The following EDA2R variants were observed in gnomAD, a reference collection of about 807,000 sequenced individuals.
EDA2R encodes tumor necrosis factor receptor superfamily member 27.
EDA2R carries 26 observed loss-of-function variants against 20.1 expected under a neutral mutation model. The observed-to-expected ratio is 1.30, with a 90% CI of 0.95 to 1.80. The LOEUF (loss-of-function observed/expected upper bound fraction) is 1.80. EDA2R is among the 40% of genes most tolerant of loss of function. The pLI, the probability that EDA2R is intolerant of heterozygous loss-of-function variation, is 0.00. For synonymous variants in EDA2R, 114 were observed against 88.7 expected (o/e 1.29, Z -1.60); for missense variants, 277 against 228.7 (o/e 1.21, Z -1.36).
Position 66,627,202 on chromosome X carries a change from A to C in EDA2R, c.-10-11172T>G, listed in dbSNP as rs1018160238. On this transcript the variant is annotated intron_variant, in intron 1 of 6. Coordinates refer to ENST00000374719, the MANE Select transcript of EDA2R (RefSeq NM_021783.5). ...AATCACACAGGACCTATCAAACAAA[A>C]ACAAAATTTAAAAATAACAAAAAAG... Among the ~76,000 whole-genome samples, 3 of 111,993 alleles carry C rather than the reference A, an allele frequency of 2.7e-5. No individual in the cohort carries two copies. In the Admixed American group the frequency reaches 2.8e-4, roughly 11 times the overall value.
intron 1 of EDA2R, among the ~76,000 whole-genome samples, chrX:66,619,655 G>A (rs1281873330): frequency 9.0e-6 from 1 of 111,331 alleles, no homozygotes; most frequent in African/African-American, 3.3e-5. Context: ...AACACATGAT[G>A]AGGTTCTGAT....
intron 1 of EDA2R, among the ~76,000 whole-genome samples, chrX:66,633,550 T>C (rs764604628): frequency 9.0e-6 from 1 of 111,139 alleles, no homozygotes; most frequent in African/African-American, 3.3e-5. Context: ...GCTACGTATG[T>C]GAGGAGTTGC....
At chrX:66,613,186 T>A (rs1035407197) in intron 2 of EDA2R, among the ~76,000 whole-genome samples, 1 of 111,865 alleles carries the variant, frequency 8.9e-6, no homozygotes, top group Non-Finnish European at 1.9e-5. Context: ...AAAGGGAAAA[T>A]ATATTTACAA....
chrX:66,595,948 T>G lies in EDA2R; in HGVS notation c.*2156A>C, dbSNP rs1927360912. ...TCCTTTCCTAACCTGGATCTGAGAA[T>G]CTTGGAGGAAAAAATTATTTTCCCA... On this transcript the variant is annotated 3_prime_UTR_variant, in exon 7 of 7. Coordinates refer to ENST00000374719, the MANE Select transcript of EDA2R (RefSeq NM_021783.5). 1 of 108,318 alleles carries G rather than the reference T, an allele frequency of 9.2e-6. No individual in the cohort carries two copies. Among genetic ancestry groups the G allele is most frequent in the Non-Finnish European group, 1.9e-5 (1 of 52,298 alleles). The allele number at this position is 108,318 out of a possible 1,213,427, so 8.9% of individuals were successfully genotyped here. A position where few individuals can be genotyped will look rare whatever the true frequency, so the allele number is the denominator to read the frequency against.
intron 1 of EDA2R, among the ~76,000 whole-genome samples, chrX:66,637,547 C>T (rs1228493155): frequency 8.9e-6 from 1 of 112,153 alleles, no homozygotes; most frequent in African/African-American, 3.2e-5. Flanking sequence ...GTTTAACTTC[C>T]AATTTTCCGC....
intron 2 of EDA2R, among the ~76,000 whole-genome samples, chrX:66,614,090 G>T (rs1931255689): frequency 1.8e-5 from 2 of 111,166 alleles, no homozygotes; most frequent in African/African-American, 6.5e-5. Context: ...CCCAGTTCTG[G>T]ACCATAAGAT....
chrX:66,619,943 C>T (rs1932323601), intron 1 of EDA2R, among the ~76,000 whole-genome samples: 1 of 111,160 alleles, frequency 9.0e-6, no homozygotes, highest in Admixed American at 9.6e-5. Context: ...AAACACCACC[C>T]AAATAAATAC....
chrX:66,601,135 G>A (rs1050578307), intron 5 of EDA2R, among the ~76,000 whole-genome samples: 4 of 112,144 alleles, frequency 3.6e-5, no homozygotes, highest in African/African-American at 1.3e-4. Context: ...GAAACTGCCT[G>A]CCCTCATATT....
chrX:66,599,246 T>A (rs1928045863), intron 6 of EDA2R, among the ~76,000 whole-genome samples: 1 of 111,397 alleles, frequency 9.0e-6, no homozygotes, highest in Non-Finnish European at 1.9e-5. Flanking sequence ...ACTGGTATCA[T>A]GACAACCTTG....
intron 1 of EDA2R, among the ~76,000 whole-genome samples, chrX:66,621,969 A>C (rs970880287): frequency 1.8e-5 from 2 of 111,931 alleles, no homozygotes; most frequent in Non-Finnish European, 1.9e-5. Context: ...TTCCAATAGG[A>C]TATTGCTTAA....
rs1380382858 is a variant in EDA2R, at chrX:66,599,728, A to G, written c.650T>C (p.Ile217Thr). The G allele has an allele frequency of 8.3e-7, 1 of 1,209,950 alleles. No individual in the cohort carries two copies. Among genetic ancestry groups the G allele is most frequent in the East Asian group, 3.0e-5 (1 of 33,690 alleles). The change falls in exon 6 of 7, where the codon ATC becomes ACC. Residue 217 changes from isoleucine (I) to threonine (T), a missense_variant. Transcript: ENST00000374719. ...AGTCGAGCTGCAGTCGTCCTCGAGG[A>G]TAGGGTTAAGTGGCTGGGTCTGAAA... ...NIFQTQPLNP[I>T]LEDDCSSTSG...
intron 2 of EDA2R, 95 bp from the exon 3 acceptor site, chrX:66,605,321 A>C: frequency 1.3e-6 from 1 of 783,979 alleles, no homozygotes; most frequent in East Asian, 3.8e-5. Context: ...AGTATTTTGC[A>C]ACTTGCAACC....
chrX:66,596,397 C>A lies in EDA2R; in HGVS notation c.*1707G>T, dbSNP rs1168475893. On this transcript the variant is annotated 3_prime_UTR_variant, in exon 7 of 7. Coordinates refer to ENST00000374719, the MANE Select transcript of EDA2R (RefSeq NM_021783.5). ...TAAAATGCAAAGCCAATTGCCACCT[C>A]CAATTGCTGAACCTCAAAAAGTTGG... is the stretch of plus-strand genomic sequence containing the variant. 4.5e-5 allele frequency: 5 copies of A among 111,752 alleles called. No homozygotes were observed. Among genetic ancestry groups the A allele is most frequent in the Admixed American group, 1.9e-4 (2 of 10,539 alleles). 9.2% of individuals were successfully genotyped at this position (111,752 alleles called of 1,213,427 possible). A position where few individuals can be genotyped will look rare whatever the true frequency, so the allele number is the denominator to read the frequency against.
In EDA2R at chrX:66,604,560, G is replaced by A. The variant is rs1555947585; in HGVS notation, c.267-54C>T. ...GGTGATCAAACAAGCAATGCACTTG[G>A]ACCAGTTCTTCCTGGGAAAGCAGCT... On this transcript the variant is annotated intron_variant, in intron 3 of 6. Transcript: ENST00000374719. 1.5e-5 allele frequency: 16 copies of A among 1,081,090 alleles called. No individual in the cohort carries two copies. In the South Asian group the frequency reaches 2.3e-4, roughly 16 times the overall value. 89.1% of individuals were successfully genotyped at this position (1,081,090 alleles called of 1,213,427 possible).
intron 6 of EDA2R, 46 bp from the exon 7 acceptor site, chrX:66,598,139 C>T (rs1422584736): frequency 3.4e-6 from 2 of 591,799 alleles, no homozygotes; most frequent in Non-Finnish European, 4.7e-6. Context: ...GGAAATCTCA[C>T]TAGCACCCTT....
intron 2 of EDA2R, among the ~76,000 whole-genome samples, chrX:66,610,004 C>T (rs1930436409): frequency 9.0e-6 from 1 of 110,535 alleles, no homozygotes; most frequent in Non-Finnish European, 1.9e-5. Context: ...AACACGAAGT[C>T]CAGAAGCAGT....
At chrX:66,623,149 C>T (rs1932804571) in intron 1 of EDA2R, among the ~76,000 whole-genome samples, 1 of 112,324 alleles carries the variant, frequency 8.9e-6, no homozygotes, top group Non-Finnish European at 1.9e-5. Flanking sequence ...TTTTACAGTT[C>T]ACCAAGTGAT....
chrX:66,602,879 C>T lies in EDA2R; in HGVS notation c.353-82G>A, dbSNP rs1000441390. On this transcript the variant is annotated intron_variant, in intron 4 of 6. Transcript: ENST00000374719. The stretch of plus-strand genomic sequence containing the variant: ...GACCCTGGACCTGGACTTCCTCAGG[C>T]TGTCACCCTTCTCCCTAGGGCCTTC... 1.1e-4 allele frequency: 102 copies of T among 924,991 alleles called. No individual in the cohort carries two copies. The South Asian group carries it at 1.4e-3, about 13-fold the overall frequency. 76.2% of individuals were successfully genotyped at this position (924,991 alleles called of 1,213,427 possible).
intron 1 of EDA2R, among the ~76,000 whole-genome samples, chrX:66,618,167 G>A (rs917688260): frequency 4.4e-5 from 5 of 112,431 alleles, no homozygotes; most frequent in South Asian, 7.3e-4. Flanking sequence ...GATTAAAGGC[G>A]TGAGGCACCT....
Sources: gnomAD v4.1 joint callset for allele counts (sites outside exome capture counted in the v4.1 genomes callset) on GRCh38, gnomAD v4.1.1 for gene constraint, MANE v1.5 for transcripts, NCBI Gene and HGNC (gene_info 2026-07-23, HGNC 2026-07-21) for gene names.